Variants in ITPR3 observed in about 807,000 individuals in gnomAD.
ITPR3 encodes the protein inositol 1,4,5-trisphosphate-gated calcium channel ITPR3.
ITPR3 carries 173 observed loss-of-function variants against 293.2 expected under a neutral mutation model. The observed-to-expected ratio is 0.59, with a 90% CI of 0.52 to 0.67. ITPR3 has a LOEUF of 0.67. ITPR3 is among the 30% of genes least tolerant of loss of function. The pLI is 0.00. For synonymous variants in ITPR3, 1,295 were observed against 1,444.4 expected (o/e 0.90, Z 2.35); for missense variants, 2,796 against 3,592.1 (o/e 0.78, Z 5.66).
chr6:33,672,527 G>T lies in ITPR3; in HGVS notation c.2928+299G>T, dbSNP rs1376936088. On this transcript the variant is annotated intron_variant, in intron 22 of 57. Transcript: ENST00000605930. This position sits in a 1 kb window ranked among gnomAD's most constrained non-coding sequence, Gnocchi z 5.0. Reference sequence around the variant, plus strand: ...TGAGCTCAGAGTTCAAGACCTGCCTGGGTGAGACCCCGTCTCTATTAAAAA... The same window carrying T: ...TGAGCTCAGAGTTCAAGACCTGCCTTGGTGAGACCCCGTCTCTATTAAAAA... 6.6e-6 allele frequency among the ~76,000 whole-genome samples: 1 copy of T among 152,018 alleles called. No homozygotes were observed. The highest frequency in any genetic ancestry group is 1.9e-4 in the East Asian group (1 of 5,184).
intron 1 of ITPR3, among the ~76,000 whole-genome samples, chr6:33,626,309 C>G (rs1293789812): frequency 6.6e-6 from 1 of 152,208 alleles, no homozygotes; most frequent in African/African-American, 2.4e-5. Flanking sequence ...CTCTATGGTG[C>G]TCTGGCTGTA....
Position 33,670,247 on chromosome 6 carries a change from T to C in ITPR3, c.2190-78T>C. 6.6e-7 allele frequency: 1 copy of C among 1,520,012 alleles called. No homozygotes were observed. The highest frequency in any genetic ancestry group is 9.1e-7 in the Non-Finnish European group (1 of 1,103,682). 94.2% of individuals were successfully genotyped at this position (1,520,012 alleles called of 1,614,324 possible). On this transcript the variant is annotated intron_variant, in intron 18 of 57. Coordinates refer to ENST00000605930, the MANE Select transcript of ITPR3 (RefSeq NM_002224.4). The surrounding 1 kb of genome is among the most constrained non-coding windows in gnomAD (Gnocchi z 6.7). ...ATCCCTTTGCCACTTTACTGAGTCC[T>C]CACCAAGTCTAGTGCCCAGTGCCAG...
intron 50 of ITPR3, 126 bp downstream of exon 50, chr6:33,689,536 C>T: frequency 9.1e-7 from 1 of 1,094,412 alleles, no homozygotes; most frequent in South Asian, 1.5e-5. Flanking sequence ...GTTGGGCTCC[C>T]AAGTTCCTTA....
At position 33,671,152 on chromosome 6, in the gene ITPR3, G is replaced by A; in HGVS notation, c.2587-13G>A. 3 of 1,612,522 alleles carry A rather than the reference G, an allele frequency of 1.9e-6. No individual in the cohort carries two copies. The highest frequency in any genetic ancestry group is 2.2e-5 in the East Asian group (1 of 44,804). Reference sequence around the variant, plus strand: ...GCCCCTCCCACCTCACCTCGGCCACGCCCCCTTCGCAGGTGGTCAGCCTGG... The same window carrying A: ...GCCCCTCCCACCTCACCTCGGCCACACCCCCTTCGCAGGTGGTCAGCCTGG... On this transcript the variant is annotated splice_polypyrimidine_tract_variant and intron_variant, in intron 20 of 57. Transcript: ENST00000605930.
chr6:33,693,960 G>C (rs770869994), intron 56 of ITPR3, among the ~76,000 whole-genome samples: 4 of 152,232 alleles, frequency 2.6e-5, no homozygotes, highest in Non-Finnish European at 5.9e-5. Flanking sequence ...GCTGCAGAGG[G>C]GCCTCCTCAC....
intron 22 of ITPR3, among the ~76,000 whole-genome samples, chr6:33,673,236 G>A (rs1371911247): frequency 1.3e-5 from 2 of 152,204 alleles, no homozygotes; most frequent in East Asian, 3.8e-4. Context: ...ACAAGAGTCA[G>A]TTTTTGGACC....
In ITPR3 at chr6:33,667,788, C is replaced by T. The variant is rs78399616; in HGVS notation, c.1714-4C>T. The T allele has an allele frequency of 9.3e-6, 15 of 1,613,930 alleles. No homozygotes were observed. Among genetic ancestry groups the T allele is most frequent in the Non-Finnish European group, 1.1e-5 (13 of 1,179,868 alleles). ...TGTGACCCCCAGCCTGTCTGCCCCC[C>T]CAGGAGCACATTGCCAAGCAGTTTG... On this transcript the variant is annotated splice_polypyrimidine_tract_variant and splice_region_variant and intron_variant, in intron 15 of 57. Transcript: ENST00000605930. The surrounding 1 kb of genome is among the most constrained non-coding windows in gnomAD (Gnocchi z 4.4).
Position 33,684,292 on chromosome 6 carries a change from G to T in ITPR3, c.4938-65G>T, listed in dbSNP as rs1347010138. The T allele has an allele frequency of 1.3e-6, 2 of 1,593,990 alleles. No homozygotes were observed. Among genetic ancestry groups the T allele is most frequent in the South Asian group, 1.1e-5 (1 of 90,624 alleles). ...CTGGGGGTGTTCCTGCCTGGGATGG[G>T]GTGGGGAAGTAGCTGGAGGGAGGCA... On this transcript the variant is annotated intron_variant, in intron 36 of 57. Coordinates refer to ENST00000605930, the MANE Select transcript of ITPR3 (RefSeq NM_002224.4). The surrounding 1 kb of genome is among the most constrained non-coding windows in gnomAD (Gnocchi z 4.2).
At position 33,643,987 on chromosome 6, in the gene ITPR3, C is replaced by T. The variant is rs189075321; in HGVS notation, c.160+3433C>T. Among the ~76,000 whole-genome samples, 562 of 152,334 alleles carry T rather than the reference C, an allele frequency of 3.7e-3. 3 individuals are homozygous for T. Among genetic ancestry groups the T allele is most frequent in the African/African-American group, 7.9e-3 (329 of 41,566 alleles). ...CAGTCAGGTCACGAGGTCCAGAGTTCGAGACCAGCCTAGCCAACATGGTGA... is the reference window on the plus strand; with the variant it reads ...CAGTCAGGTCACGAGGTCCAGAGTTTGAGACCAGCCTAGCCAACATGGTGA... On this transcript the variant is annotated intron_variant, in intron 2 of 57. Transcript: ENST00000605930.
intron 33 of ITPR3, among the ~76,000 whole-genome samples, chr6:33,680,969 C>T (rs899404403): frequency 2.0e-5 from 3 of 151,798 alleles, no homozygotes; most frequent in Non-Finnish European, 4.4e-5. Flanking sequence ...TACAGGTGCC[C>T]GCCACCACGC....
chr6:33,654,192 T>C lies in ITPR3; in HGVS notation c.161-1574T>C, dbSNP rs1764255616. Among the ~76,000 whole-genome samples, 1 of 152,028 alleles carries C rather than the reference T, an allele frequency of 6.6e-6. No homozygotes were observed. Among genetic ancestry groups the C allele is most frequent in the Non-Finnish European group, 1.5e-5 (1 of 67,998 alleles). On this transcript the variant is annotated intron_variant, in intron 2 of 57. Coordinates refer to ENST00000605930, the MANE Select transcript of ITPR3 (RefSeq NM_002224.4). The surrounding 1 kb of genome is among the most constrained non-coding windows in gnomAD (Gnocchi z 4.1). ...CTGAGACAGGAGAATTGCTTGAGCC[T>C]GGGAGGTGGAGGTTGCAGTGAGCCG...
Position 33,680,068 on chromosome 6 carries a change from T to C in ITPR3, c.4159T>C (p.Cys1387Arg). The change falls in exon 31 of 58, where the codon TGC becomes CGC. Residue 1387 changes from cysteine to arginine, a missense_variant. Transcript: ENST00000605930. ...EGKNVYTEIKCTSLLPLEDVV... is the reference protein window; with the variant it reads ...EGKNVYTEIKRTSLLPLEDVV... ...CAAAAACGTCTACACTGAGATCAAG[T>C]GCACCTCCCTGCTGCCGCTGGAGGA... 6.2e-7 allele frequency: 1 copy of C among 1,613,678 alleles called. No homozygotes were observed. The highest frequency in any genetic ancestry group is 1.1e-5 in the South Asian group (1 of 91,076).
intron 32 of ITPR3, 49 bp downstream of exon 32, chr6:33,680,503 G>A (rs1331416009): frequency 1.2e-6 from 2 of 1,610,806 alleles, no homozygotes; most frequent in Non-Finnish European, 1.7e-6. Context: ...AGGTGTGGGA[G>A]TGGAGGGGCC....
At chr6:33,631,322 C>T (rs1253632778) in intron 1 of ITPR3, among the ~76,000 whole-genome samples, 2 of 152,158 alleles carry the variant, frequency 1.3e-5, no homozygotes, top group African/African-American at 4.8e-5. Flanking sequence ...CGGCTGGGGT[C>T]ACTGATATTT....
rs1323126893 is a variant in ITPR3, at chr6:33,621,720, G to A, written c.89+29G>A. 2 of 1,539,818 alleles carry A rather than the reference G, an allele frequency of 1.3e-6. No homozygotes were observed. The highest frequency in any genetic ancestry group is 1.8e-6 in the Non-Finnish European group (2 of 1,129,220). On this transcript the variant is annotated intron_variant, in intron 1 of 57. Transcript: ENST00000605930. The surrounding 1 kb of genome is among the most constrained non-coding windows in gnomAD (Gnocchi z 7.7). ...AGTGAGCCGAGCTCGAGAGGGGCGC[G>A]GGTAAAGAGGGGGCGCCGTGGGCCC... is the stretch of plus-strand genomic sequence containing the variant.
At position 33,665,042 on chromosome 6, in the gene ITPR3, T is replaced by G. The variant is rs1367069626; in HGVS notation, c.1249-11T>G. ...TGTTCCCAGGTGCCCTGCTGACCCC[T>G]GTCTCTGCAGCTGGGCACCTGCCCC... On this transcript the variant is annotated splice_polypyrimidine_tract_variant and intron_variant, in intron 12 of 57. Coordinates refer to ENST00000605930, the MANE Select transcript of ITPR3 (RefSeq NM_002224.4). 2 of 1,613,700 alleles carry G rather than the reference T, an allele frequency of 1.2e-6. No individual in the cohort carries two copies. Among genetic ancestry groups the G allele is most frequent in the East Asian group, 2.2e-5 (1 of 44,878 alleles).
At chr6:33,625,908 C>G (rs938686866) in intron 1 of ITPR3, among the ~76,000 whole-genome samples, 1 of 152,184 alleles carries the variant, frequency 6.6e-6, no homozygotes, top group African/African-American at 2.4e-5. Context: ...GGGTGTCTGT[C>G]TCATGTTCCA....
In ITPR3 at chr6:33,687,855, C is replaced by T. The variant is rs971666194; in HGVS notation, c.6265-202C>T. Among the ~76,000 whole-genome samples the T allele has an allele frequency of 6.6e-6, 1 of 152,130 alleles. No individual in the cohort carries two copies. The highest frequency in any genetic ancestry group is 1.5e-5 in the Non-Finnish European group (1 of 68,016). On this transcript the variant is annotated intron_variant, in intron 46 of 57. Transcript: ENST00000605930. This position sits in a 1 kb window ranked among gnomAD's most constrained non-coding sequence, Gnocchi z 5.3. ...CCGCTATCCTCTGGGATTCTCTGGT[C>T]ATGGCTCTCCCACTCCCCTCCCTTT...
intron 1 of ITPR3, among the ~76,000 whole-genome samples, chr6:33,631,159 G>T (rs183299128): frequency 8.1e-4 from 123 of 152,338 alleles, no homozygotes; most frequent in Non-Finnish European, 1.3e-3. Flanking sequence ...CCAGTTGTAG[G>T]GTCTAGCCCT....
Sources: allele counts gnomAD v4.1 joint callset (sites outside exome capture counted in the v4.1 genomes callset), GRCh38; gene constraint gnomAD v4.1.1; non-coding constraint Gnocchi (gnomAD v3.1); transcripts MANE v1.5; gene names NCBI Gene and HGNC (gene_info 2026-07-23, HGNC 2026-07-21).